The following FNDC3B variants were observed in gnomAD, a reference collection of about 807,000 sequenced individuals.
FNDC3B encodes fibronectin type III domain containing 3B, also known as fibronectin type III domain-containing protein 3B.
FNDC3B carries 12 observed loss-of-function variants against 151.5 expected under a neutral mutation model. That is an observed-to-expected ratio of 0.08 (90% CI 0.05 to 0.13). The LOEUF is 0.13. Ranked by LOEUF, FNDC3B falls within the 10% of genes least tolerant of loss-of-function variation. FNDC3B has a pLI of 1.00. For synonymous variants in FNDC3B, 528 were observed against 549.0 expected (o/e 0.96, Z 0.54); for missense variants, 1,214 against 1,505.3 (o/e 0.81, Z 3.20).
At chr3:172,061,520 C>A (rs1717198925) in intron 1 of FNDC3B, among the ~76,000 whole-genome samples, 1 of 152,194 alleles carries the variant, frequency 6.6e-6, no homozygotes, top group Non-Finnish European at 1.5e-5. Flanking sequence ...GCATGAGCCA[C>A]CACACCCAGC....
At chr3:172,392,574 T>C (rs897015243) in intron 25 of FNDC3B, among the ~76,000 whole-genome samples, 6 of 152,030 alleles carry the variant, frequency 3.9e-5, no homozygotes, top group African/African-American at 7.2e-5. Context: ...TCCAGTGCAC[T>C]TGTATTCACT....
At chr3:172,346,502 C>G in intron 20 of FNDC3B, 62 bp downstream of exon 20, 1 of 992,704 alleles carries the variant, frequency 1.0e-6, no homozygotes. Context: ...AATACAAATA[C>G]CAATTATAAG....
intron 6 of FNDC3B, among the ~76,000 whole-genome samples, chr3:172,254,724 A>G (rs534497301): frequency 6.6e-6 from 1 of 152,322 alleles, no homozygotes; most frequent in African/African-American, 2.4e-5. Flanking sequence ...GAAAACAGGC[A>G]TGACAGAGGC....
chr3:172,170,784 C>T (rs1462900330), intron 3 of FNDC3B, among the ~76,000 whole-genome samples: 1 of 152,200 alleles, frequency 6.6e-6, no homozygotes, highest in Admixed American at 6.5e-5. Context: ...ATGTAACTTT[C>T]AGGTAATGAA....
chr3:172,075,724 A>AAC (rs57920659), intron 1 of FNDC3B, among the ~76,000 whole-genome samples: 6,887 of 146,846 alleles, frequency 0.047, 198 homozygotes, highest in African/African-American at 0.096. Context: ...TAGCCCAGTA[A>AAC]ACACACACAC....
At chr3:172,385,649 C>T (rs1236566946) in intron 25 of FNDC3B, among the ~76,000 whole-genome samples, 1 of 151,648 alleles carries the variant, frequency 6.6e-6, no homozygotes, top group African/African-American at 2.4e-5. Context: ...AGGTCTGCCT[C>T]CCGGGTTCAC....
intron 3 of FNDC3B, among the ~76,000 whole-genome samples, chr3:172,146,303 A>G (rs1576907198): frequency 6.6e-6 from 1 of 152,314 alleles, no homozygotes; most frequent in South Asian, 2.1e-4. Context: ...ATGCCCAAGG[A>G]AAAGGACATG....
chr3:172,362,816 C>T lies in FNDC3B; in HGVS notation c.2979C>T (p.Tyr993=), dbSNP rs776197803. 6.2e-6 allele frequency: 10 copies of T among 1,613,696 alleles called. No individual in the cohort carries two copies. In the Admixed American group the frequency reaches 6.7e-5, roughly 11 times the overall value. The change falls in exon 23 of 26, where the codon TAC becomes TAT. Residue 993 remains tyrosine (Y), a synonymous_variant. Transcript: ENST00000415807. ...CACATGCTGCTGAGGACATTGTGTA[C>T]ACACTACAGCTGGAGGACAGAAACA... is the stretch of plus-strand genomic sequence containing the variant. ...SKTHAAEDIV[Y]TLQLEDRNKR...
intron 1 of FNDC3B, among the ~76,000 whole-genome samples, chr3:172,064,514 C>A (rs533436053): frequency 3.9e-5 from 6 of 152,142 alleles, no homozygotes; most frequent in Non-Finnish European, 5.9e-5. Context: ...TTGTAAGAAA[C>A]GGTTGGCTAA....
intron 1 of FNDC3B, among the ~76,000 whole-genome samples, chr3:172,091,873 G>GGTGGGTGTGT (rs1553760107): frequency 2.4e-5 from 3 of 124,756 alleles, no homozygotes; most frequent in Non-Finnish European, 3.3e-5. Context: ...ACTTTACTGG[G>GGTGGGTGTGT]GTGTGTGTGT....
intron 2 of FNDC3B, among the ~76,000 whole-genome samples, chr3:172,119,125 G>A (rs1720410392): frequency 7.6e-6 from 1 of 131,428 alleles, no homozygotes; most frequent in Non-Finnish European, 1.5e-5. Context: ...AGCCGACATT[G>A]AACCACTGCA....
chr3:172,325,463 G>A (rs1357184018), intron 11 of FNDC3B, among the ~76,000 whole-genome samples: 1 of 152,212 alleles, frequency 6.6e-6, no homozygotes. Context: ...ACTCCTGTCA[G>A]TTCGTATGAA....
intron 10 of FNDC3B, among the ~76,000 whole-genome samples, chr3:172,310,449 C>G (rs918477169): frequency 3.9e-5 from 6 of 152,310 alleles, no homozygotes; most frequent in East Asian, 1.9e-4. Flanking sequence ...TGTGCTCCAC[C>G]AGACCTCCAG....
chr3:172,112,967 G>A (rs1035257442), intron 2 of FNDC3B, among the ~76,000 whole-genome samples: 37 of 152,314 alleles, frequency 2.4e-4, no homozygotes, highest in African/African-American at 7.7e-4. Context: ...GAGTGATCTC[G>A]ACAAGACACG....
chr3:172,275,227 G>A (rs1374600260), intron 6 of FNDC3B, among the ~76,000 whole-genome samples: 3 of 151,996 alleles, frequency 2.0e-5, no homozygotes, highest in Non-Finnish European at 4.4e-5. Flanking sequence ...GAGCCAATTT[G>A]GGGTGTAAAT....
chr3:172,373,246 C>T (rs1233998967), intron 23 of FNDC3B, among the ~76,000 whole-genome samples: 1 of 152,194 alleles, frequency 6.6e-6, no homozygotes, highest in African/African-American at 2.4e-5. Context: ...TCTTCCTACT[C>T]CAGGGATCTC....
intron 22 of FNDC3B, among the ~76,000 whole-genome samples, chr3:172,354,929 T>C (rs1734020085): frequency 6.6e-6 from 1 of 151,872 alleles, no homozygotes; most frequent in South Asian, 2.1e-4. Context: ...AAGCTTATTC[T>C]TTCTCTGTGT....
chr3:172,253,927 G>A (rs1385843835), intron 6 of FNDC3B, among the ~76,000 whole-genome samples: 2 of 152,032 alleles, frequency 1.3e-5, no homozygotes, highest in Admixed American at 6.6e-5. Context: ...TTACAGGCAT[G>A]TGCCACCACA....
At chr3:172,144,193 T>A (rs1576905058) in intron 3 of FNDC3B, among the ~76,000 whole-genome samples, 1 of 150,978 alleles carries the variant, frequency 6.6e-6, no homozygotes, top group African/African-American at 2.4e-5. Flanking sequence ...AAGGGAGAGG[T>A]CCCAGACTCT....
Sources: allele counts gnomAD v4.1 joint callset (sites outside exome capture counted in the v4.1 genomes callset), GRCh38; gene constraint gnomAD v4.1.1; transcripts MANE v1.5; gene names NCBI Gene and HGNC (gene_info 2026-07-23, HGNC 2026-07-21).